Variants in ADK observed in about 807,000 individuals in gnomAD.
ADK encodes the protein adenosine kinase, also known as N6,N6-dimethyladenosine kinase.
A neutral mutation model predicts 44.7 loss-of-function variants in ADK; 24 were observed. That is an observed-to-expected ratio of 0.54 (90% confidence interval 0.39 to 0.76). The LOEUF (loss-of-function observed/expected upper bound fraction) is 0.76. ADK is among the 30% of genes least tolerant of loss of function. ADK has a pLI of 0.00. For missense variants in ADK, 321 were observed against 425.1 expected (o/e 0.76, Z 2.15); for synonymous variants, 128 against 142.6 (o/e 0.90, Z 0.73).
intron 3 of ADK, among the ~76,000 whole-genome samples, chr10:74,290,688 G>T (rs1847383273): frequency 6.6e-6 from 1 of 151,628 alleles, no homozygotes; most frequent in African/African-American, 2.4e-5. Context: ...TGTTGTTTTA[G>T]GTTTTTCTTC....
chr10:74,485,932 C>T (rs958941890), intron 6 of ADK, among the ~76,000 whole-genome samples: 2 of 152,108 alleles, frequency 1.3e-5, no homozygotes, highest in Non-Finnish European at 1.5e-5. Flanking sequence ...AATTGACAAA[C>T]TCATTTTTAT....
chr10:74,446,750 T>A (rs1845601183), intron 6 of ADK, among the ~76,000 whole-genome samples: 1 of 152,168 alleles, frequency 6.6e-6, no homozygotes, highest in Non-Finnish European at 1.5e-5. Flanking sequence ...TAAAAAGACA[T>A]GTAAACTAGT....
chr10:74,700,611 T>G (rs1856386939), intron 10 of ADK, among the ~76,000 whole-genome samples: 1 of 151,612 alleles, frequency 6.6e-6, no homozygotes, highest in South Asian at 2.1e-4. Flanking sequence ...TTACCTCCTT[T>G]TGTGTTAAAA....
intron 3 of ADK, among the ~76,000 whole-genome samples, chr10:74,283,931 A>G: frequency 6.6e-6 from 1 of 151,272 alleles, no homozygotes; most frequent in East Asian, 2.0e-4. Flanking sequence ...CCGCCTGCCT[A>G]GGCCTCCCAA....
chr10:74,601,927 C>CA (rs1240757450), intron 9 of ADK, among the ~76,000 whole-genome samples: 22 of 82,722 alleles, frequency 2.7e-4, no homozygotes, highest in Admixed American at 6.2e-4. Flanking sequence ...TTCATCTCTA[C>CA]AAAAAAAAAT....
intron 2 of ADK, among the ~76,000 whole-genome samples, chr10:74,218,470 T>C (rs7916143): frequency 0.74 from 111,947 of 152,046 alleles, 41,927 homozygotes; most frequent in Middle Eastern, 0.85. Context: ...GGAGAACTTC[T>C]GCAATCTAGC....
intron 10 of ADK, among the ~76,000 whole-genome samples, chr10:74,706,315 A>G (rs1856602227): frequency 6.6e-6 from 1 of 152,166 alleles, no homozygotes; most frequent in Non-Finnish European, 1.5e-5. Context: ...AAAAGTTCAT[A>G]CTTTTTACCT....
intron 6 of ADK, among the ~76,000 whole-genome samples, chr10:74,471,940 T>G (rs960454405): frequency 4.6e-5 from 7 of 152,230 alleles, no homozygotes; most frequent in African/African-American, 1.4e-4. Flanking sequence ...CATACAAGAT[T>G]GTGTTATCTA....
chr10:74,626,178 G>A (rs1218155936), intron 9 of ADK, among the ~76,000 whole-genome samples: 1 of 152,166 alleles, frequency 6.6e-6, no homozygotes, highest in Admixed American at 6.5e-5. Context: ...CATAGAAGCA[G>A]CAGTTAACAT....
chr10:74,227,083 G>A (rs1172266952), intron 3 of ADK, among the ~76,000 whole-genome samples: 1 of 152,116 alleles, frequency 6.6e-6, no homozygotes, highest in Non-Finnish European at 1.5e-5. Flanking sequence ...TGGTAGGGTG[G>A]TGGTCATGGA....
intron 9 of ADK, among the ~76,000 whole-genome samples, chr10:74,629,764 A>G (rs1853344900): frequency 6.6e-6 from 1 of 152,230 alleles, no homozygotes; most frequent in Admixed American, 6.5e-5. Flanking sequence ...GTATTTTAAA[A>G]GTGACATATG....
In ADK at chr10:74,371,421, C is replaced by T. The variant is rs1034884466; in HGVS notation, c.274-22720C>T. On this transcript the variant is annotated intron_variant, in intron 4 of 10. Coordinates refer to ENST00000539909, the MANE Select transcript of ADK (RefSeq NM_006721.4). ...TTATATACCAAACAAAAATCTTAAG[C>T]AGTCCCCTACAGATCTATTAGAAGT... 1.8e-5 allele frequency: 11 copies of T among 596,660 alleles called. No individual in the cohort carries two copies. In the African/African-American group the frequency reaches 2.0e-4, roughly 11 times the overall value. 37.0% of individuals were successfully genotyped at this position (596,660 alleles called of 1,614,324 possible).
chr10:74,498,048 C>T (rs1847753808), intron 6 of ADK, among the ~76,000 whole-genome samples: 4 of 152,080 alleles, frequency 2.6e-5, no homozygotes, highest in Admixed American at 2.6e-4. Flanking sequence ...TGCCACCACG[C>T]CCGGCTAATT....
intron 10 of ADK, among the ~76,000 whole-genome samples, chr10:74,694,146 C>CAT (rs1554898839): frequency 1.9e-4 from 7 of 36,310 alleles, no homozygotes; most frequent in African/African-American, 7.8e-4. Flanking sequence ...TTTTCAAACA[C>CAT]ATTTTTTTTT....
chr10:74,445,912 TATTTAA>T lies in ADK; in HGVS notation c.555+47342_555+47347del, dbSNP rs200630491. ...TGAATCTAACTCTTTTTAAATGAGCTATTTAAATTTAAATACATAAATGGATGTTAT... is the reference window on the plus strand; with the variant it reads ...TGAATCTAACTCTTTTTAAATGAGCTATTTAAATACATAAATGGATGTTAT... On this transcript the variant is annotated intron_variant, in intron 6 of 10. Transcript: ENST00000539909. 7.2e-3 allele frequency among the ~76,000 whole-genome samples: 1,099 copies of T among 152,222 alleles called. 6 individuals carry two copies. The highest frequency in any genetic ancestry group is 0.014 in the Middle Eastern group (4 of 294).
At chr10:74,197,070 A>T (rs1162771797) in intron 1 of ADK, among the ~76,000 whole-genome samples, 1 of 152,136 alleles carries the variant, frequency 6.6e-6, no homozygotes, top group Non-Finnish European at 1.5e-5. Context: ...TCATAGAAAA[A>T]AATCTTGGGT....
chr10:74,220,217 T>C (rs936873563), intron 2 of ADK, among the ~76,000 whole-genome samples: 1 of 151,738 alleles, frequency 6.6e-6, no homozygotes, highest in African/African-American at 2.4e-5. Flanking sequence ...AAATACAAAC[T>C]ACCATCAGAG....
In ADK at chr10:74,554,592, A is replaced by G; in HGVS notation, c.726+29166A>G. ...AAAGCTTAGAACATTGTCATTGACTATAAATAATAGCTGCAATTCTATTGT... is the reference window on the plus strand; with the variant it reads ...AAAGCTTAGAACATTGTCATTGACTGTAAATAATAGCTGCAATTCTATTGT... On this transcript the variant is annotated intron_variant, in intron 7 of 10. Coordinates refer to ENST00000539909, the MANE Select transcript of ADK (RefSeq NM_006721.4). 3.9e-5 allele frequency among the ~76,000 whole-genome samples: 6 copies of G among 152,318 alleles called. No homozygotes were observed. The Middle Eastern group carries it at 0.02, about 518-fold the overall frequency.
chr10:74,171,145 T>C (rs1842150969), intron 1 of ADK, among the ~76,000 whole-genome samples: 1 of 152,206 alleles, frequency 6.6e-6, no homozygotes, highest in Admixed American at 6.5e-5. Flanking sequence ...TGTAATTATT[T>C]AACTATTACC....
Sources: gnomAD v4.1 joint callset for allele counts (sites outside exome capture counted in the v4.1 genomes callset) on GRCh38, gnomAD v4.1.1 for gene constraint, MANE v1.5 for transcripts, NCBI Gene and HGNC (gene_info 2026-07-23, HGNC 2026-07-21) for gene names.